The following HHLA1 variants were observed in gnomAD, a reference collection of about 807,000 sequenced individuals.
HHLA1 encodes HERV-H LTR-associating protein 1.
A neutral mutation model predicts 69.9 loss-of-function variants in HHLA1; 72 were observed. The ratio of observed to expected loss-of-function variants is 1.03; its 90% CI spans 0.85 to 1.25. HHLA1 has a LOEUF of 1.25. HHLA1 is among the 50% of genes most tolerant of loss of function. The probability of loss-of-function intolerance (pLI) is 0.00; values close to 1 mark genes in which losing one functional copy is unlikely to be tolerated. For synonymous variants in HHLA1, 252 were observed against 233.2 expected, an observed-to-expected ratio of 1.08 and a Z score of -0.73; for missense variants, 685 against 642.2, an observed-to-expected ratio of 1.07 and a Z score of -0.72.
At chr8:132,095,381 A>G (rs1824005719) in intron 7 of HHLA1, 138 bp downstream of exon 7, 1 of 525,864 alleles carries the variant, frequency 1.9e-6, no homozygotes, top group Non-Finnish European at 3.4e-6. Context: ...TTTCACTGGG[A>G]TAATGAATGA....
At chr8:132,083,974 C>T (rs1013486075) in intron 10 of HHLA1, among the ~76,000 whole-genome samples, 8 of 150,828 alleles carry the variant, frequency 5.3e-5, no homozygotes, top group African/African-American at 1.9e-4. Flanking sequence ...GCCTTTTGAC[C>T]TTTTAGGGTC....
chr8:132,078,676 A>G (rs892330281), intron 11 of HHLA1, among the ~76,000 whole-genome samples: 2 of 152,294 alleles, frequency 1.3e-5, no homozygotes, highest in Admixed American at 1.3e-4. Context: ...AGGCTGGATC[A>G]TAACTATTGG....
At chr8:132,101,220 G>T in intron 3 of HHLA1, 1 of 1,550,224 alleles carries the variant, frequency 6.5e-7, no homozygotes, top group Non-Finnish European at 8.7e-7. Context: ...CAGGATTTAG[G>T]GCTGCCCGGG....
intron 7 of HHLA1, among the ~76,000 whole-genome samples, chr8:132,090,028 A>G (rs1823923293): frequency 1.3e-5 from 2 of 152,338 alleles, no homozygotes; most frequent in South Asian, 4.1e-4. Context: ...ATGAAAATGC[A>G]ATGTGGAATT....
chr8:132,080,411 G>T (rs2130884186), intron 10 of HHLA1: 1 of 310,344 alleles, frequency 3.2e-6, no homozygotes, highest in South Asian at 2.7e-5. Context: ...GTCAAAGGGG[G>T]TTTGTTCTCT....
chr8:132,078,296 A>G (rs953087580), intron 11 of HHLA1, among the ~76,000 whole-genome samples: 3 of 152,032 alleles, frequency 2.0e-5, no homozygotes, highest in African/African-American at 7.2e-5. Flanking sequence ...ATTTCTAATC[A>G]TGTGACATAG....
intron 11 of HHLA1, among the ~76,000 whole-genome samples, chr8:132,078,619 C>G (rs776296650): frequency 1.3e-5 from 2 of 152,048 alleles, no homozygotes. Context: ...TCCTCTATGC[C>G]GGGGTAGGAG....
In HHLA1 at chr8:132,087,636, G is replaced by C; in HGVS notation, c.676+17C>G. Reference sequence around the variant, plus strand: ...TCTGGAGAGTCTATGGGAGGAGTTTGGGAGGTTGGTACTCACCCAGAACAC... The same window carrying C: ...TCTGGAGAGTCTATGGGAGGAGTTTCGGAGGTTGGTACTCACCCAGAACAC... On this transcript the variant is annotated intron_variant, in intron 10 of 16. Coordinates refer to ENST00000414222, the MANE Select transcript of HHLA1 (RefSeq NM_001145095.3). 6.6e-7 allele frequency: 1 copy of C among 1,522,842 alleles called. No individual in the cohort carries two copies. The highest frequency in any genetic ancestry group is 8.9e-7 in the Non-Finnish European group (1 of 1,120,836). 94.3% of individuals were successfully genotyped at this position (1,522,842 alleles called of 1,614,324 possible). A position where few individuals can be genotyped will look rare whatever the true frequency, so the allele number is the denominator to read the frequency against.
intron 10 of HHLA1, among the ~76,000 whole-genome samples, chr8:132,086,498 C>A (rs1002138431): frequency 1.2e-4 from 19 of 152,316 alleles, no homozygotes; most frequent in Admixed American, 1.0e-3. Flanking sequence ...TATCACTCAG[C>A]CAGGTACTTG....
chr8:132,078,141 A>C (rs1478168199), intron 11 of HHLA1, among the ~76,000 whole-genome samples, 170 bp from the exon 12 acceptor site: 1 of 151,430 alleles, frequency 6.6e-6, no homozygotes, highest in African/African-American at 2.4e-5. Context: ...AAATGGACCA[A>C]AGTAAGCATT....
At chr8:132,093,804 T>C (rs1451632797) in intron 7 of HHLA1, among the ~76,000 whole-genome samples, 1 of 152,028 alleles carries the variant, frequency 6.6e-6, no homozygotes, top group Non-Finnish European at 1.5e-5. Context: ...TCAGCAGGGG[T>C]TAATGAAATG....
chr8:132,081,698 A>C (rs1323012799), intron 10 of HHLA1, among the ~76,000 whole-genome samples: 1 of 152,160 alleles, frequency 6.6e-6, no homozygotes, highest in Non-Finnish European at 1.5e-5. Flanking sequence ...ACCTAGACTA[A>C]GAGGTATTTT....
At chr8:132,101,196 A>C in intron 3 of HHLA1, 1 of 1,549,636 alleles carries the variant, frequency 6.5e-7, no homozygotes. Flanking sequence ...TGTGCCCTGC[A>C]TTACAGAGTA....
chr8:132,079,259 C>A (rs1362807726), intron 11 of HHLA1, among the ~76,000 whole-genome samples: 1 of 152,216 alleles, frequency 6.6e-6, no homozygotes, highest in Non-Finnish European at 1.5e-5. Context: ...ATGAAACCAG[C>A]TACAGACTGA....
intron 15 of HHLA1, among the ~76,000 whole-genome samples, chr8:132,069,013 G>A (rs556648927): frequency 6.6e-6 from 1 of 152,312 alleles, no homozygotes; most frequent in South Asian, 2.1e-4. Flanking sequence ...AAAGCTTGGA[G>A]AAGGGACAGA....
At chr8:132,069,764 C>A (rs1823499452) in intron 15 of HHLA1, 1 of 151,966 alleles carries the variant, frequency 6.6e-6, no homozygotes, top group Admixed American at 6.6e-5. Context: ...ATGAAACCCT[C>A]AGTTTCTGAG....
chr8:132,066,695 T>C (rs1823446083), intron 15 of HHLA1, among the ~76,000 whole-genome samples: 1 of 152,232 alleles, frequency 6.6e-6, no homozygotes, highest in Admixed American at 6.5e-5. Flanking sequence ...CATTCTGTGA[T>C]TCTAGCACAC....
At chr8:132,074,042 C>T (rs573709231) in intron 14 of HHLA1, among the ~76,000 whole-genome samples, 10 of 152,342 alleles carry the variant, frequency 6.6e-5, no homozygotes, top group African/African-American at 2.4e-4. Context: ...GAAGTCTACA[C>T]TCCTTGACAT....
intron 10 of HHLA1, among the ~76,000 whole-genome samples, chr8:132,086,114 C>A (rs1217740863): frequency 5.3e-5 from 8 of 152,096 alleles, no homozygotes; most frequent in African/African-American, 1.7e-4. Flanking sequence ...GGAAATCTAC[C>A]CAGCATCCTT....
Sources: allele counts gnomAD v4.1 joint callset (sites outside exome capture counted in the v4.1 genomes callset), GRCh38; gene constraint gnomAD v4.1.1; transcripts MANE v1.5; gene names NCBI Gene and HGNC (gene_info 2026-07-23, HGNC 2026-07-21).